FLNB: variants seen among roughly 807,000 people sequenced by gnomAD.
FLNB encodes the protein filamin-B.
FLNB carries 111 observed loss-of-function variants against 250.6 expected under a neutral mutation model. That is an observed-to-expected ratio of 0.44 (90% CI 0.38 to 0.52). The LOEUF (loss-of-function observed/expected upper bound fraction) is 0.52, where lower values mean the gene tolerates loss of function less well. Among genes scored for constraint, FLNB ranks in the 20% least tolerant of loss-of-function variants. FLNB has a pLI of 0.00. For missense variants in FLNB, 2,869 were observed against 3,447.8 expected (o/e 0.83, Z 4.20); for synonymous variants, 1,302 against 1,372.1 (o/e 0.95, Z 1.13).
intron 45 of FLNB, 124 bp from the exon 46 acceptor site, chr3:58,170,451 T>C: frequency 1.1e-6 from 1 of 873,576 alleles, no homozygotes. Context: ...ATTGCCACGC[T>C]CTCCCACCTC....
chr3:58,160,357 T>C (rs2097359420), intron 42 of FLNB, among the ~76,000 whole-genome samples: 1 of 152,232 alleles, frequency 6.6e-6, no homozygotes, highest in East Asian at 1.9e-4. Flanking sequence ...TTTAATCAAC[T>C]TTAAAGAGAC....
chr3:58,024,813 A>G (rs1477049408), intron 1 of FLNB, among the ~76,000 whole-genome samples: 7 of 148,484 alleles, frequency 4.7e-5, no homozygotes, highest in Non-Finnish European at 1.0e-4. Context: ...TCCCAGGTTC[A>G]AGCGATTCTC....
intron 25 of FLNB, chr3:58,131,843 G>A: frequency 3.2e-6 from 3 of 925,810 alleles, no homozygotes; most frequent in Non-Finnish European, 5.0e-6. Context: ...GAATGAGAGA[G>A]GGAGAAAAAG....
intron 1 of FLNB, among the ~76,000 whole-genome samples, chr3:58,076,020 A>C (rs1222781013): frequency 6.6e-6 from 1 of 152,170 alleles, no homozygotes; most frequent in Non-Finnish European, 1.5e-5. Context: ...TCTGTTAAGC[A>C]AGGAAAGGAC....
chr3:58,033,199 A>T (rs972210193), intron 1 of FLNB, among the ~76,000 whole-genome samples: 1 of 152,182 alleles, frequency 6.6e-6, no homozygotes, highest in Non-Finnish European at 1.5e-5. Context: ...ACATCAGGAA[A>T]CCATCACCAT....
chr3:58,149,876 G>A lies in FLNB; in HGVS notation c.6118G>A (p.Glu2040Lys). The change falls in exon 37 of 46, where the codon GAA becomes AAA. Residue 2040 changes from glutamate (E) to lysine (K), a missense_variant. Coordinates refer to ENST00000295956, the MANE Select transcript of FLNB (RefSeq NM_001457.4). ...TTATGGTGGCATATCCTTGGCGGTG[G>A]AAGGCCCCAGCAAAGTGGACATCCA... ...AGYGGISLAV[E>K]GPSKVDIQTE... is the part of the protein sequence containing the mutation. 6.2e-7 allele frequency: 1 copy of A among 1,614,222 alleles called. No individual in the cohort carries two copies. Among genetic ancestry groups the A allele is most frequent in the Non-Finnish European group, 8.5e-7 (1 of 1,180,042 alleles).
At chr3:58,080,148 T>C (rs1020761692) in intron 3 of FLNB, among the ~76,000 whole-genome samples, 4 of 152,234 alleles carry the variant, frequency 2.6e-5, no homozygotes, top group African/African-American at 9.6e-5. Context: ...ATGGAATGTA[T>C]TGAAGGCGAC....
Position 58,169,157 on chromosome 3 carries a change from G to A in FLNB, c.7418-433G>A, listed in dbSNP as rs991839124. ...GTTACATAAAGAATGTAGGTTCATCGCAGGAAAATTAGAAAATTCAGATAG... is the reference window on the plus strand; with the variant it reads ...GTTACATAAAGAATGTAGGTTCATCACAGGAAAATTAGAAAATTCAGATAG... On this transcript the variant is annotated intron_variant, in intron 44 of 45. Coordinates refer to ENST00000295956, the MANE Select transcript of FLNB (RefSeq NM_001457.4). The surrounding 1 kb of genome is among the most constrained non-coding windows in gnomAD (Gnocchi z 4.8). 3.8e-6 allele frequency: 1 copy of A among 266,536 alleles called. No individual in the cohort carries two copies. Among genetic ancestry groups the A allele is most frequent in the Non-Finnish European group, 7.3e-6 (1 of 137,432 alleles). The allele number at this position is 266,536 out of a possible 1,614,324, so 16.5% of individuals were successfully genotyped here. A position where few individuals can be genotyped will look rare whatever the true frequency, so the allele number is the denominator to read the frequency against.
intron 18 of FLNB, among the ~76,000 whole-genome samples, chr3:58,116,214 C>G (rs2097277593): frequency 6.6e-6 from 1 of 152,170 alleles, no homozygotes; most frequent in Admixed American, 6.5e-5. Context: ...GAAGTGTGCC[C>G]TTGGATGTGG....
chr3:58,117,479 C>T (rs2097280473), intron 18 of FLNB, among the ~76,000 whole-genome samples: 1 of 152,146 alleles, frequency 6.6e-6, no homozygotes, highest in Non-Finnish European at 1.5e-5. Flanking sequence ...AGGAGGTATC[C>T]CCAAGACCTC....
At chr3:58,036,659 C>G (rs1272463907) in intron 1 of FLNB, among the ~76,000 whole-genome samples, 1 of 152,200 alleles carries the variant, frequency 6.6e-6, no homozygotes, top group Admixed American at 6.5e-5. Context: ...ACCCCTAAAC[C>G]TTAATTTCTA....
chr3:58,101,504 C>T (rs79054552), intron 8 of FLNB, among the ~76,000 whole-genome samples: 1,748 of 152,280 alleles, frequency 0.011, 37 homozygotes, highest in East Asian at 0.054. Flanking sequence ...AAGCTATCTT[C>T]GCCCTTAACT....
At chr3:58,059,424 C>G (rs142158296) in intron 1 of FLNB, among the ~76,000 whole-genome samples, 2 of 152,206 alleles carry the variant, frequency 1.3e-5, no homozygotes, top group East Asian at 1.9e-4. Context: ...CCTAGCTTTT[C>G]AGAGCTAGGT....
At chr3:58,071,672 G>C (rs993630698) in intron 1 of FLNB, among the ~76,000 whole-genome samples, 3 of 152,148 alleles carry the variant, frequency 2.0e-5, no homozygotes, top group Admixed American at 6.5e-5. Context: ...TCTCAGGAGG[G>C]CAAAAATGTG....
Position 58,125,704 on chromosome 3 carries a change from C to T in FLNB, c.4022C>T (p.Ala1341Val), listed in dbSNP as rs139269734. ...GCCCAAGGACCTGGATTGAAAGAGGCCTTTACCAACAAGCCCAATGTCTTC... is the reference window on the plus strand; with the variant it reads ...GCCCAAGGACCTGGATTGAAAGAGGTCTTTACCAACAAGCCCAATGTCTTC... ...VQAQGPGLKE[A>V]FTNKPNVFTV... is the part of the protein sequence containing the mutation. The change falls in exon 23 of 46, where the codon GCC becomes GTC. Residue 1341 changes from alanine (A) to valine (V), a missense_variant. By Grantham distance (64) the Ala-to-Val change is moderately conservative. Around this residue, in one of 5 missense-constraint regions of FLNB, gnomAD observed 1,348 missense variants for 1,466.7 expected, o/e 0.92. Transcript: ENST00000295956. 1.2e-6 allele frequency: 2 copies of T among 1,614,126 alleles called. No homozygotes were observed. Among genetic ancestry groups the T allele is most frequent in the South Asian group, 1.1e-5 (1 of 91,076 alleles).
At chr3:58,047,375 CTATT>C (rs746376468) in intron 1 of FLNB, among the ~76,000 whole-genome samples, 25 of 151,904 alleles carry the variant, frequency 1.6e-4, no homozygotes, top group Non-Finnish European at 2.4e-4. Context: ...TCAATCAACC[CTATT>C]TATTTATTTA....
At chr3:58,037,137 T>C (rs1332305365) in intron 1 of FLNB, among the ~76,000 whole-genome samples, 2 of 139,610 alleles carry the variant, frequency 1.4e-5, no homozygotes, top group Non-Finnish European at 1.5e-5. Flanking sequence ...CCATCTCAGC[T>C]CACTGCAACC....
chr3:58,078,454 A>G (rs2097204607), intron 2 of FLNB: 1 of 1,535,438 alleles, frequency 6.5e-7, no homozygotes, highest in Non-Finnish European at 8.7e-7. Context: ...TTTTAACACC[A>G]CTTCTTCAAG....
At chr3:58,032,052 C>T (rs1198902731) in intron 1 of FLNB, among the ~76,000 whole-genome samples, 7 of 152,086 alleles carry the variant, frequency 4.6e-5, no homozygotes, top group Non-Finnish European at 8.8e-5. Flanking sequence ...CTTCAGCCTC[C>T]CAAGTAGCTG....
Sources: gnomAD v4.1 joint callset for allele counts (sites outside exome capture counted in the v4.1 genomes callset) on GRCh38, gnomAD v4.1.1 for gene constraint, gnomAD v4.1.1 regional missense constraint, Gnocchi (gnomAD v3.1) non-coding constraint, MANE v1.5 for transcripts, NCBI Gene and HGNC (gene_info 2026-07-23, HGNC 2026-07-21) for gene names.